The following VAT1L variants were observed in gnomAD, a reference collection of about 807,000 sequenced individuals.
VAT1L encodes the protein vesicle amine transport 1 like.
Under a neutral mutation model 44.1 loss-of-function variants are expected in VAT1L, and 34 were observed. The ratio of observed to expected loss-of-function variants is 0.77; its 90% CI spans 0.59 to 1.03. The LOEUF is 1.03. Ranked by LOEUF, VAT1L falls within the 50% of genes least tolerant of loss-of-function variation. The pLI is 0.00. For synonymous variants in VAT1L, 253 were observed against 202.2 expected (o/e 1.25, Z -2.13); for missense variants, 615 against 538.8 (o/e 1.14, Z -1.40).
chr16:77,940,968 CA>C (rs1567515865), intron 7 of VAT1L, among the ~76,000 whole-genome samples: 7 of 151,744 alleles, frequency 4.6e-5, no homozygotes, highest in African/African-American at 1.7e-4. Context: ...AAAGAGGGAG[CA>C]GGCTTCAAGT....
intron 7 of VAT1L, among the ~76,000 whole-genome samples, chr16:77,945,298 A>ATTTTTTTTTT (rs1227597683): frequency 0.11 from 313 of 2,954 alleles, 1 homozygote; most frequent in Non-Finnish European, 0.26. Context: ...TTTTTTTGAG[A>ATTTTTTTTTT]GAGAGAAAGA....
intron 3 of VAT1L, among the ~76,000 whole-genome samples, chr16:77,826,326 A>G (rs1463818644): frequency 6.6e-6 from 1 of 152,236 alleles, no homozygotes. Context: ...ATTTGAAATG[A>G]CAAAATGGTC....
chr16:77,975,126 C>T (rs543670172), intron 8 of VAT1L, among the ~76,000 whole-genome samples: 3 of 148,878 alleles, frequency 2.0e-5, no homozygotes, highest in African/African-American at 7.4e-5. Context: ...TGTCGCTGTC[C>T]GCTCAGCAGG....
chr16:77,828,390 G>A (rs553318706), intron 3 of VAT1L, among the ~76,000 whole-genome samples: 40 of 152,246 alleles, frequency 2.6e-4, no homozygotes, highest in Admixed American at 3.3e-4. Context: ...GGGGCCGGGC[G>A]CGGTGGCTCA....
chr16:77,880,376 T>C (rs2142457438), intron 6 of VAT1L, among the ~76,000 whole-genome samples: 1 of 152,068 alleles, frequency 6.6e-6, no homozygotes, highest in African/African-American at 2.4e-5. Context: ...CCCAGGCTGG[T>C]TTTGAATTCC....
At chr16:77,942,442 T>C (rs2142513456) in intron 7 of VAT1L, among the ~76,000 whole-genome samples, 2 of 104,214 alleles carry the variant, frequency 1.9e-5, no homozygotes, top group Non-Finnish European at 4.1e-5. Context: ...ATGTTGAGCT[T>C]TTTTTTTCAT....
At chr16:77,927,604 G>A (rs903764445) in intron 7 of VAT1L, among the ~76,000 whole-genome samples, 9 of 152,024 alleles carry the variant, frequency 5.9e-5, no homozygotes, top group Admixed American at 5.2e-4. Context: ...TTGGCCAGGC[G>A]CGGTAGCTTT....
At chr16:77,902,131 C>G (rs1166787954) in intron 7 of VAT1L, among the ~76,000 whole-genome samples, 1 of 152,168 alleles carries the variant, frequency 6.6e-6, no homozygotes, top group African/African-American at 2.4e-5. Flanking sequence ...TACTAAAATT[C>G]CATTAGAAAA....
At chr16:77,922,673 A>T (rs1164664233) in intron 7 of VAT1L, among the ~76,000 whole-genome samples, 1 of 152,212 alleles carries the variant, frequency 6.6e-6, no homozygotes, top group Non-Finnish European at 1.5e-5. Context: ...ATGCCACTCT[A>T]TGTGCCTGGC....
chr16:77,905,860 C>T (rs564509145), intron 7 of VAT1L, among the ~76,000 whole-genome samples: 1 of 152,314 alleles, frequency 6.6e-6, no homozygotes, highest in South Asian at 2.1e-4. Context: ...CTGCATCTCT[C>T]CCTGACATTC....
chr16:77,899,682 G>A (rs376269241), intron 7 of VAT1L, among the ~76,000 whole-genome samples: 2 of 152,224 alleles, frequency 1.3e-5, no homozygotes, highest in Admixed American at 6.5e-5. Context: ...AACTGAGTGA[G>A]GATGGGGATG....
chr16:77,857,850 T>TA (rs397764600), intron 3 of VAT1L, among the ~76,000 whole-genome samples: 1 of 150,062 alleles, frequency 6.7e-6, no homozygotes, highest in African/African-American at 2.5e-5. Flanking sequence ...TTTTTTTTTT[T>TA]AACCATGTGC....
intron 8 of VAT1L, among the ~76,000 whole-genome samples, chr16:77,972,314 A>T (rs1212046880): frequency 6.6e-6 from 1 of 150,492 alleles, no homozygotes; most frequent in Non-Finnish European, 1.5e-5. Flanking sequence ...GGTTCCACAG[A>T]TTTTTTTTTT....
At chr16:77,938,824 G>A (rs1408696737) in intron 7 of VAT1L, among the ~76,000 whole-genome samples, 4 of 152,084 alleles carry the variant, frequency 2.6e-5, no homozygotes, top group South Asian at 2.1e-4. Context: ...GGTGAGTGAG[G>A]AAAGAAAATA....
At chr16:77,973,986 G>C (rs964363290) in intron 8 of VAT1L, among the ~76,000 whole-genome samples, 2 of 152,118 alleles carry the variant, frequency 1.3e-5, no homozygotes, top group African/African-American at 4.8e-5. Context: ...CAAAATGCTG[G>C]GATTACAGGC....
intron 4 of VAT1L, among the ~76,000 whole-genome samples, chr16:77,868,858 C>T (rs775136606): frequency 2.0e-5 from 3 of 152,104 alleles, no homozygotes; most frequent in Admixed American, 6.5e-5. Flanking sequence ...CATCCCTGGT[C>T]TCTACCCATT....
At chr16:77,878,572 A>G (rs1049773905) in intron 5 of VAT1L, among the ~76,000 whole-genome samples, 2 of 151,842 alleles carry the variant, frequency 1.3e-5, no homozygotes, top group African/African-American at 2.4e-5. Flanking sequence ...TGCTTGTCCA[A>G]TTGGCAAAAC....
chr16:77,866,675 A>G (rs2016977738), intron 4 of VAT1L, among the ~76,000 whole-genome samples: 1 of 152,176 alleles, frequency 6.6e-6, no homozygotes, highest in Non-Finnish European at 1.5e-5. Flanking sequence ...TCAATCGGGA[A>G]GCCTCCTTTG....
At chr16:77,831,982 A>ATTTTTTTTTTTTTTTT (rs151275500) in intron 3 of VAT1L, among the ~76,000 whole-genome samples, 2 of 125,984 alleles carry the variant, frequency 1.6e-5, no homozygotes, top group African/African-American at 3.0e-5. Context: ...TGCCCGGCTA[A>ATTTTTTTTTTTTTTTT]TTTTTTTTTT....
Sources: allele counts gnomAD v4.1 joint callset (sites outside exome capture counted in the v4.1 genomes callset), GRCh38; gene constraint gnomAD v4.1.1; transcripts MANE v1.5; gene names NCBI Gene and HGNC (gene_info 2026-07-23, HGNC 2026-07-21).